The following RIMS1 variants were observed in gnomAD, a reference collection of about 807,000 sequenced individuals.
The protein encoded by RIMS1 is regulating synaptic membrane exocytosis protein 1.
RIMS1 carries 83 observed loss-of-function variants against 214.1 expected under a neutral mutation model. That is an observed-to-expected ratio of 0.39 (90% confidence interval 0.32 to 0.47). RIMS1 has a LOEUF of 0.47. Among genes scored for constraint, RIMS1 ranks in the 20% least tolerant of loss-of-function variants. RIMS1 has a pLI of 0.99. For synonymous variants in RIMS1, 793 were observed against 786.8 expected, an observed-to-expected ratio of 1.01 and a Z score of -0.13; for missense variants, 2,050 against 2,161.8, an observed-to-expected ratio of 0.95 and a Z score of 1.03.
intron 29 of RIMS1, among the ~76,000 whole-genome samples, chr6:72,337,306 A>G (rs1289251388): frequency 6.6e-6 from 1 of 151,816 alleles, no homozygotes; most frequent in African/African-American, 2.4e-5. Context: ...ATAATATCCT[A>G]TATCTTCTCC....
chr6:72,343,560 C>T (rs2097169002), intron 29 of RIMS1, among the ~76,000 whole-genome samples: 1 of 138,642 alleles, frequency 7.2e-6, no homozygotes, highest in Admixed American at 7.6e-5. Flanking sequence ...ATCTTCCTGC[C>T]TCAGCCTCCC....
chr6:72,026,703 T>C (rs1816625341), intron 2 of RIMS1, among the ~76,000 whole-genome samples: 2 of 152,180 alleles, frequency 1.3e-5, no homozygotes, highest in Non-Finnish European at 2.9e-5. Context: ...AGAAAGATCA[T>C]TTCCACCATC....
chr6:72,089,299 C>A (rs1327626575), intron 2 of RIMS1, among the ~76,000 whole-genome samples: 1 of 152,154 alleles, frequency 6.6e-6, no homozygotes, highest in African/African-American at 2.4e-5. Context: ...CACTGGGCAT[C>A]ATTTTCCCGG....
At chr6:71,956,855 G>A (rs1265106965) in intron 1 of RIMS1, among the ~76,000 whole-genome samples, 1 of 152,098 alleles carries the variant, frequency 6.6e-6, no homozygotes, top group Non-Finnish European at 1.5e-5. Flanking sequence ...ACACATTAGA[G>A]TCACCCAGGA....
chr6:72,019,496 G>A (rs1310358377), intron 2 of RIMS1, among the ~76,000 whole-genome samples: 2 of 152,110 alleles, frequency 1.3e-5, no homozygotes, highest in African/African-American at 4.8e-5. Context: ...GTGTTATAGC[G>A]ATCACTATAG....
intron 4 of RIMS1, among the ~76,000 whole-genome samples, chr6:72,125,808 A>T (rs543218817): frequency 2.0e-5 from 3 of 152,304 alleles, no homozygotes; most frequent in Admixed American, 6.5e-5. Flanking sequence ...TGTGGGATAT[A>T]ATCTCCTGGT....
rs1381754525 is a variant in RIMS1 at position 72,401,679 on chromosome 6, C to A, written c.*965C>A. The A allele has an allele frequency of 1.3e-5, 2 of 152,612 alleles. No homozygotes were observed. The highest frequency in any genetic ancestry group is 2.9e-5 in the Non-Finnish European group (2 of 68,028). The allele number at this position is 152,612 out of a possible 1,614,324, so 9.5% of individuals were successfully genotyped here. ...CTCATGTGTATAAACCATACTTTGA[C>A]TTCCCAAAAATGGTGACTAGGAATG... On this transcript the variant is annotated 3_prime_UTR_variant, in exon 34 of 34. Coordinates refer to ENST00000521978, the MANE Select transcript of RIMS1 (RefSeq NM_014989.7).
At chr6:72,242,533 C>A in intron 10 of RIMS1, 96 bp downstream of exon 10, 1 of 862,068 alleles carries the variant, frequency 1.2e-6, no homozygotes, top group Non-Finnish European at 1.7e-6. Context: ...TACATGTTAA[C>A]ATGGATAGTT....
intron 26 of RIMS1, among the ~76,000 whole-genome samples, chr6:72,300,311 A>G (rs914910864): frequency 2.0e-5 from 3 of 151,968 alleles, no homozygotes; most frequent in East Asian, 3.9e-4. Flanking sequence ...GACCTAATTG[A>G]GGAAAACAAA....
intron 2 of RIMS1, among the ~76,000 whole-genome samples, chr6:72,031,963 TATA>T (rs1159561866): frequency 1.3e-5 from 2 of 150,918 alleles, no homozygotes; most frequent in Non-Finnish European, 2.9e-5. Context: ...GGTTTTATAA[TATA>T]ATGTAAAGTA....
intron 2 of RIMS1, among the ~76,000 whole-genome samples, chr6:71,994,808 G>T (rs976791588): frequency 3.3e-5 from 5 of 152,128 alleles, no homozygotes; most frequent in African/African-American, 1.2e-4. Flanking sequence ...AATTATGTTT[G>T]TTGCCTTGCA....
intron 31 of RIMS1, among the ~76,000 whole-genome samples, chr6:72,397,880 G>A (rs1359253758): frequency 6.6e-6 from 1 of 152,078 alleles, no homozygotes; most frequent in Non-Finnish European, 1.5e-5. Flanking sequence ...AATATTAATG[G>A]TGGCTTTCTC....
chr6:72,205,221 T>C (rs2052696467), intron 6 of RIMS1, among the ~76,000 whole-genome samples: 1 of 152,104 alleles, frequency 6.6e-6, no homozygotes, highest in Non-Finnish European at 1.5e-5. Context: ...AAATTATGCA[T>C]GGAAAAAACT....
intron 4 of RIMS1, among the ~76,000 whole-genome samples, chr6:72,135,738 G>A (rs1166379876): frequency 2.6e-5 from 4 of 152,144 alleles, no homozygotes; most frequent in Non-Finnish European, 1.5e-5. Flanking sequence ...GTGAAAAATT[G>A]AGAAATGTTT....
intron 2 of RIMS1, among the ~76,000 whole-genome samples, chr6:72,008,947 T>C (rs1156959402): frequency 6.6e-6 from 1 of 152,088 alleles, no homozygotes. Flanking sequence ...TACCCAGGAA[T>C]TGAACTCAGC....
chr6:72,273,691 A>G (rs1037905043), intron 22 of RIMS1, among the ~76,000 whole-genome samples: 1 of 152,184 alleles, frequency 6.6e-6, no homozygotes, highest in African/African-American at 2.4e-5. Context: ...TCATGTATCT[A>G]TGTTCTTTGC....
intron 6 of RIMS1, among the ~76,000 whole-genome samples, chr6:72,202,851 C>A (rs1231886630): frequency 6.6e-6 from 1 of 152,000 alleles, no homozygotes; most frequent in Non-Finnish European, 1.5e-5. Flanking sequence ...GTCTCAAGTT[C>A]AATCGTTTTA....
intron 24 of RIMS1, among the ~76,000 whole-genome samples, chr6:72,287,068 C>A (rs1358177463): frequency 6.6e-6 from 1 of 152,142 alleles, no homozygotes; most frequent in Non-Finnish European, 1.5e-5. Context: ...TGTGAATTCA[C>A]CCTTGAGAAC....
intron 27 of RIMS1, 100 bp from the exon 28 acceptor site, chr6:72,313,406 A>C: frequency 1.0e-6 from 1 of 955,148 alleles, no homozygotes; most frequent in Non-Finnish European, 1.6e-6. Flanking sequence ...ATGAAGGTAC[A>C]CCTTTATTTG....
Sources: gnomAD v4.1 joint callset for allele counts (sites outside exome capture counted in the v4.1 genomes callset) on GRCh38, gnomAD v4.1.1 for gene constraint, MANE v1.5 for transcripts, NCBI Gene and HGNC (gene_info 2026-07-23, HGNC 2026-07-21) for gene names.